Variants in FSHR observed in about 807,000 individuals in gnomAD.
FSHR encodes follicle stimulating hormone receptor.
A neutral mutation model predicts 52.1 loss-of-function variants in FSHR; 46 were observed. The ratio of observed to expected loss-of-function variants is 0.88; its 90% CI spans 0.70 to 1.13. FSHR has a LOEUF of 1.13. Among genes scored for constraint, FSHR ranks in the 50% most tolerant of loss-of-function variants. The pLI is 0.00. For missense variants in FSHR, 964 were observed against 834.6 expected (o/e 1.16, Z -1.91); for synonymous variants, 399 against 309.6 (o/e 1.29, Z -3.03).
intron 1 of FSHR, among the ~76,000 whole-genome samples, chr2:49,073,110 C>A (rs1669807513): frequency 6.6e-6 from 1 of 151,972 alleles, no homozygotes; most frequent in Non-Finnish European, 1.5e-5. Context: ...CAATTAACAT[C>A]TTATGGATGC....
At chr2:49,078,993 C>T (rs1443742463) in intron 1 of FSHR, among the ~76,000 whole-genome samples, 4 of 152,142 alleles carry the variant, frequency 2.6e-5, no homozygotes, top group South Asian at 4.1e-4. Flanking sequence ...ATTGTTTACA[C>T]ACACACACAA....
At chr2:48,977,123 CCT>C (rs10558428) in intron 8 of FSHR, among the ~76,000 whole-genome samples, 32,791 of 149,002 alleles carry the variant, frequency 0.22, 4,874 homozygotes, top group African/African-American at 0.43. Flanking sequence ...AATCCCCTCT[CCT>C]CTCTCTCTCT....
chr2:48,985,498 C>G (rs11681320), intron 6 of FSHR, among the ~76,000 whole-genome samples: 28,565 of 152,014 alleles, frequency 0.19, 3,635 homozygotes, highest in African/African-American at 0.36. Flanking sequence ...CCCATTCAGG[C>G]ACTCTGCTTA....
At chr2:49,089,899 T>C (rs1030842636) in intron 1 of FSHR, among the ~76,000 whole-genome samples, 5 of 152,172 alleles carry the variant, frequency 3.3e-5, no homozygotes, top group Non-Finnish European at 7.3e-5. Context: ...CCGAACTGTG[T>C]GTGCAAAGCG....
chr2:49,024,506 G>T (rs540335783), intron 2 of FSHR, among the ~76,000 whole-genome samples: 9 of 152,160 alleles, frequency 5.9e-5, no homozygotes, highest in Non-Finnish European at 1.2e-4. Flanking sequence ...CCTGGGAGGA[G>T]TTTGCAGTGA....
At chr2:49,021,886 T>TATATATATATATATATAAAG (rs1273265515) in intron 2 of FSHR, among the ~76,000 whole-genome samples, 9 of 25,118 alleles carry the variant, frequency 3.6e-4, no homozygotes, top group African/African-American at 1.2e-3. Flanking sequence ...TATATATATA[T>TATATATATATATATATAAAG]AGAGAGAGAG....
intron 4 of FSHR, among the ~76,000 whole-genome samples, chr2:49,001,473 A>G (rs770809322): frequency 3.9e-5 from 6 of 152,160 alleles, no homozygotes; most frequent in Non-Finnish European, 7.4e-5. Context: ...CAGAGTTGCC[A>G]AGCAGCAAAC....
intron 2 of FSHR, among the ~76,000 whole-genome samples, chr2:49,059,825 C>T (rs1669218930): frequency 6.6e-6 from 1 of 151,862 alleles, no homozygotes; most frequent in African/African-American, 2.4e-5. Context: ...ATGAATAAGA[C>T]ATCAAAAGCA....
At chr2:49,030,868 C>T (rs1668076528) in intron 2 of FSHR, among the ~76,000 whole-genome samples, 1 of 152,082 alleles carries the variant, frequency 6.6e-6, no homozygotes, top group South Asian at 2.1e-4. Context: ...TGAGACTGTC[C>T]GTGTTTTTAC....
intron 9 of FSHR, 83 bp downstream of exon 9, chr2:48,968,615 C>T (rs1246855557): frequency 1.3e-6 from 2 of 1,510,900 alleles, no homozygotes; most frequent in Admixed American, 3.4e-5. Context: ...AGTAGATTCT[C>T]TTCATGTCAC....
intron 1 of FSHR, among the ~76,000 whole-genome samples, chr2:49,141,319 T>C (rs1672679699): frequency 6.6e-6 from 1 of 152,076 alleles, no homozygotes; most frequent in Non-Finnish European, 1.5e-5. Flanking sequence ...TTTAATTGGG[T>C]CATGGTTCTG....
At chr2:49,128,678 CTT>C (rs35670931) in intron 1 of FSHR, among the ~76,000 whole-genome samples, 12,676 of 148,072 alleles carry the variant, frequency 0.086, 914 homozygotes, top group East Asian at 0.22. Context: ...GTTGAATAGT[CTT>C]TTTTTTTTTT....
chr2:49,139,836 G>C (rs1180553661), intron 1 of FSHR, among the ~76,000 whole-genome samples: 1 of 152,048 alleles, frequency 6.6e-6, no homozygotes, highest in Non-Finnish European at 1.5e-5. Context: ...CTGACCTCGT[G>C]ATCAGCCTGC....
chr2:49,078,818 A>G (rs1211982450), intron 1 of FSHR, among the ~76,000 whole-genome samples: 2 of 152,184 alleles, frequency 1.3e-5, no homozygotes, highest in African/African-American at 4.8e-5. Context: ...TGAGACAATG[A>G]TGCTGTTACC....
chr2:49,070,963 A>T (rs1034331835), intron 1 of FSHR, among the ~76,000 whole-genome samples: 16 of 152,266 alleles, frequency 1.1e-4, no homozygotes, highest in African/African-American at 3.6e-4. Context: ...GTGAATGCAA[A>T]CCAGAATTCT....
chr2:49,101,021 G>T (rs537638594), intron 1 of FSHR, among the ~76,000 whole-genome samples: 1 of 152,248 alleles, frequency 6.6e-6, no homozygotes, highest in Admixed American at 6.5e-5. Flanking sequence ...GATGTAATAA[G>T]ATAAAAACTG....
At chr2:48,978,999 T>A (rs1307813671) in intron 8 of FSHR, among the ~76,000 whole-genome samples, 1 of 152,060 alleles carries the variant, frequency 6.6e-6, no homozygotes, top group Non-Finnish European at 1.5e-5. Context: ...GAGGAGATAT[T>A]TTGGAGACTG....
chr2:49,017,588 A>G, intron 3 of FSHR, 25 bp from the exon 4 acceptor site: 1 of 1,539,408 alleles, frequency 6.5e-7, no homozygotes, highest in Non-Finnish European at 9.0e-7. Context: ...AAAACATGCT[A>G]GTGATCTTGA....
chr2:49,022,380 G>C (rs1667757350), intron 2 of FSHR, among the ~76,000 whole-genome samples: 1 of 152,110 alleles, frequency 6.6e-6, no homozygotes, highest in African/African-American at 2.4e-5. Flanking sequence ...GTTAGGGTTG[G>C]GTAGGGGGAT....
Sources: allele counts gnomAD v4.1 joint callset (sites outside exome capture counted in the v4.1 genomes callset), GRCh38; gene constraint gnomAD v4.1.1; transcripts MANE v1.5; gene names NCBI Gene and HGNC (gene_info 2026-07-23, HGNC 2026-07-21).